ZNRF1: variants seen among roughly 807,000 people sequenced by gnomAD.
ZNRF1 encodes the protein zinc and ring finger 1, also known as E3 ubiquitin-protein ligase ZNRF1.
ZNRF1 carries 3 observed loss-of-function variants against 18.4 expected under a neutral mutation model. That is an observed-to-expected ratio of 0.16 (90% CI 0.07 to 0.42). The LOEUF (loss-of-function observed/expected upper bound fraction) is 0.42. Among genes scored for constraint, ZNRF1 ranks in the 10% least tolerant of loss-of-function variants. The probability of loss-of-function intolerance (pLI) is 0.99; values close to 1 mark genes in which losing one functional copy is unlikely to be tolerated. For synonymous variants in ZNRF1, 157 were observed against 144.2 expected (o/e 1.09, Z -0.64); for missense variants, 310 against 329.8 (o/e 0.94, Z 0.47).
intron 3 of ZNRF1, 31 bp downstream of exon 3, chr16:75,104,920 A>T (rs752381612): frequency 9.8e-6 from 15 of 1,536,706 alleles, no homozygotes; most frequent in Non-Finnish European, 1.3e-5. Flanking sequence ...AGCTTAGTGC[A>T]CCCCACCTCC....
intron 1 of ZNRF1, among the ~76,000 whole-genome samples, chr16:75,069,970 T>C (rs767900683): frequency 1.3e-5 from 2 of 152,182 alleles, no homozygotes; most frequent in Non-Finnish European, 2.9e-5. Context: ...TGCTTGAGTA[T>C]CATTAACTTC....
intron 1 of ZNRF1, among the ~76,000 whole-genome samples, chr16:75,059,845 T>G (rs2035720202): frequency 6.6e-6 from 1 of 152,220 alleles, no homozygotes; most frequent in South Asian, 2.1e-4. Flanking sequence ...CATTTGACCC[T>G]TGAAGTTACA....
intron 1 of ZNRF1, among the ~76,000 whole-genome samples, chr16:75,030,712 T>C (rs1597868270): frequency 6.6e-6 from 1 of 152,304 alleles, no homozygotes; most frequent in Admixed American, 6.5e-5. Flanking sequence ...TAAACTTGCC[T>C]ATTCTGGACA....
In ZNRF1 at chr16:75,088,485, C is replaced by T. The variant is rs139304413; in HGVS notation, c.425-5087C>T. Among the ~76,000 whole-genome samples the T allele has an allele frequency of 3.0e-3, 454 of 152,270 alleles. 4 individuals are homozygous for T. The highest frequency in any genetic ancestry group is 9.7e-3 in the African/African-American group (405 of 41,546). On this transcript the variant is annotated intron_variant, in intron 1 of 4. Transcript: ENST00000335325. ...CATTGTTTCAGGCTACAAGTTAGCC[C>T]GGACTATGGGGCACTTAAGGAGAAA...
chr16:75,091,570 T>A (rs1341231836), intron 1 of ZNRF1, among the ~76,000 whole-genome samples: 1 of 146,392 alleles, frequency 6.8e-6, no homozygotes, highest in African/African-American at 2.5e-5. Flanking sequence ...TCTTGCTCTG[T>A]CCCCCAGGCT....
intron 1 of ZNRF1, among the ~76,000 whole-genome samples, chr16:75,059,578 G>T (rs1339498685): frequency 6.6e-6 from 1 of 151,966 alleles, no homozygotes; most frequent in South Asian, 2.1e-4. Flanking sequence ...TGTTTGTGAC[G>T]AAATGGCTCA....
chr16:75,080,900 G>C (rs2036003050), intron 1 of ZNRF1, among the ~76,000 whole-genome samples: 2 of 151,666 alleles, frequency 1.3e-5, no homozygotes, highest in Admixed American at 1.3e-4. Flanking sequence ...AGGGCCGGGT[G>C]CAGTGGCTCA....
intron 1 of ZNRF1, among the ~76,000 whole-genome samples, chr16:75,046,293 C>T (rs1210053522): frequency 1.3e-5 from 2 of 151,808 alleles, no homozygotes; most frequent in Admixed American, 1.3e-4. Flanking sequence ...GCTCTGTCAC[C>T]CAGGCTGAAG....
intron 1 of ZNRF1, among the ~76,000 whole-genome samples, chr16:75,034,835 C>T (rs1186859861): frequency 6.6e-6 from 1 of 151,528 alleles, no homozygotes; most frequent in Non-Finnish European, 1.5e-5. Flanking sequence ...CCACGTTGCC[C>T]AGGCTGGTCT....
Position 74,999,646 on chromosome 16 carries a change from C to A in ZNRF1, c.-26C>A. On this transcript the variant is annotated 5_prime_UTR_variant, in exon 1 of 5. Coordinates refer to ENST00000335325, the MANE Select transcript of ZNRF1 (RefSeq NM_032268.5). ...GGGGGAGGGTCTCGGCCTCCAGGTT[C>A]CCGCCCCACCGGGGCCCGGGCGAGC... 1 of 1,328,600 alleles carries A rather than the reference C, an allele frequency of 7.5e-7. No individual in the cohort carries two copies. Among genetic ancestry groups the A allele is most frequent in the Non-Finnish European group, 9.6e-7 (1 of 1,044,954 alleles). 82.3% of individuals were successfully genotyped at this position (1,328,600 alleles called of 1,614,324 possible). A position where few individuals can be genotyped will look rare whatever the true frequency, so the allele number is the denominator to read the frequency against.
At chr16:75,024,788 T>C (rs907018955) in intron 1 of ZNRF1, among the ~76,000 whole-genome samples, 2 of 152,256 alleles carry the variant, frequency 1.3e-5, no homozygotes, top group African/African-American at 4.8e-5. Flanking sequence ...AGCAAATCTT[T>C]TAAGAAACAA....
At chr16:75,065,420 T>G (rs1397976723) in intron 1 of ZNRF1, among the ~76,000 whole-genome samples, 1 of 152,214 alleles carries the variant, frequency 6.6e-6, no homozygotes, top group Non-Finnish European at 1.5e-5. Flanking sequence ...GTTTGTTACT[T>G]ACACCTTTGT....
At chr16:75,011,510 G>A (rs58030769) in intron 1 of ZNRF1, among the ~76,000 whole-genome samples, 60,534 of 151,982 alleles carry the variant, frequency 0.4, 14,877 homozygotes, top group Non-Finnish European at 0.55. Flanking sequence ...TGGGACTGTG[G>A]GCACACGCCA....
At chr16:75,102,352 C>A (rs1238141191) in intron 2 of ZNRF1, among the ~76,000 whole-genome samples, 1 of 152,138 alleles carries the variant, frequency 6.6e-6, no homozygotes, top group African/African-American at 2.4e-5. Flanking sequence ...TCCTCATTCG[C>A]AAAATGAGAA....
intron 1 of ZNRF1, among the ~76,000 whole-genome samples, chr16:75,028,512 C>G (rs1390602437): frequency 6.6e-6 from 1 of 152,258 alleles, no homozygotes; most frequent in Non-Finnish European, 1.5e-5. Context: ...CCAGGCTAGT[C>G]TCGAACTTCT....
chr16:75,093,709 C>T lies in ZNRF1; in HGVS notation c.520+42C>T, dbSNP rs199806719. On this transcript the variant is annotated intron_variant, in intron 2 of 4. Transcript: ENST00000335325. ...CCTCACCAGCCTCCAGAGCATCCGT[C>T]GGGGGAGCCGGCCAGTCCTTGTGGG... The T allele has an allele frequency of 1.4e-4, 219 of 1,535,952 alleles. No homozygotes were observed. The African/African-American group carries it at 2.3e-3, about 16-fold the overall frequency.
chr16:75,030,076 A>C (rs1051977235), intron 1 of ZNRF1, among the ~76,000 whole-genome samples: 11 of 152,090 alleles, frequency 7.2e-5, no homozygotes, highest in East Asian at 3.9e-4. Context: ...AAAAAAAAAA[A>C]AAAAAACCTG....
At chr16:75,003,297 ATC>A (rs1463421658) in intron 1 of ZNRF1, among the ~76,000 whole-genome samples, 1 of 152,084 alleles carries the variant, frequency 6.6e-6, no homozygotes, top group Non-Finnish European at 1.5e-5. Context: ...TAAGTATTTT[ATC>A]TGTTTACTTT....
intron 1 of ZNRF1, among the ~76,000 whole-genome samples, chr16:75,068,534 T>C (rs1156585623): frequency 6.6e-6 from 1 of 152,146 alleles, no homozygotes; most frequent in African/African-American, 2.4e-5. Context: ...GTCTACTTGA[T>C]TGGTTTTGCC....
Sources: gnomAD v4.1 joint callset for allele counts (sites outside exome capture counted in the v4.1 genomes callset) on GRCh38, gnomAD v4.1.1 for gene constraint, MANE v1.5 for transcripts, NCBI Gene and HGNC (gene_info 2026-07-23, HGNC 2026-07-21) for gene names.